Variants in PCDH15 observed in about 807,000 individuals in gnomAD.
The protein encoded by PCDH15 is protocadherin related 15.
A neutral mutation model predicts 178.5 loss-of-function variants in PCDH15; 129 were observed. The ratio of observed to expected loss-of-function variants is 0.72; its 90% CI spans 0.63 to 0.84. PCDH15 has a LOEUF of 0.84. Ranked by LOEUF, PCDH15 falls within the 40% of genes least tolerant of loss-of-function variation. The pLI is 0.00. For missense variants in PCDH15, 2,230 were observed against 2,099.9 expected, an observed-to-expected ratio of 1.06 and a Z score of -1.21; for synonymous variants, 800 against 732.0, an observed-to-expected ratio of 1.09 and a Z score of -1.50.
intron 21 of PCDH15, among the ~76,000 whole-genome samples, chr10:53,977,386 C>G (rs2090268183): frequency 6.6e-6 from 1 of 152,206 alleles, no homozygotes; most frequent in South Asian, 2.1e-4. Flanking sequence ...TGTTGGGCTG[C>G]ACTGAAAGCT....
intron 8 of PCDH15, among the ~76,000 whole-genome samples, chr10:54,251,437 A>G (rs2056463071): frequency 6.6e-6 from 1 of 152,154 alleles, no homozygotes; most frequent in South Asian, 2.1e-4. Flanking sequence ...ACACAAACTA[A>G]TTACATTTTT....
chr10:54,565,199 C>G (rs563913909), intron 2 of PCDH15, among the ~76,000 whole-genome samples: 46 of 152,282 alleles, frequency 3.0e-4, no homozygotes, highest in African/African-American at 1.1e-3. Flanking sequence ...TCAAACATTC[C>G]AACACCTTTC....
chr10:54,519,032 C>T (rs181923627), intron 3 of PCDH15, among the ~76,000 whole-genome samples: 4 of 152,294 alleles, frequency 2.6e-5, no homozygotes, highest in South Asian at 4.1e-4. Context: ...TAAAAACTCT[C>T]AATAAATTAG....
intron 2 of PCDH15, among the ~76,000 whole-genome samples, chr10:55,061,787 G>A (rs772674911): frequency 8.5e-5 from 13 of 152,140 alleles, no homozygotes; most frequent in Non-Finnish European, 1.9e-4. Flanking sequence ...TTGGGAGGCC[G>A]AGGAGTGGGG....
intron 1 of PCDH15, among the ~76,000 whole-genome samples, chr10:54,743,521 G>C (rs1945071225): frequency 6.6e-6 from 1 of 152,026 alleles, no homozygotes; most frequent in African/African-American, 2.4e-5. Context: ...TGGAGATCAT[G>C]AAGATGCAAA....
At chr10:54,718,990 C>G (rs12412571) in intron 1 of PCDH15, among the ~76,000 whole-genome samples, 18,209 of 151,836 alleles carry the variant, frequency 0.12, 1,244 homozygotes, top group East Asian at 0.25. Context: ...CCACTGCACC[C>G]GGTCCACACT....
intron 3 of PCDH15, among the ~76,000 whole-genome samples, chr10:54,874,331 C>T (rs1954098611): frequency 6.8e-6 from 1 of 146,798 alleles, no homozygotes; most frequent in Non-Finnish European, 1.5e-5. Context: ...CATAGTATTC[C>T]ATGGTGTATA....
intron 2 of PCDH15, among the ~76,000 whole-genome samples, chr10:54,618,112 T>C (rs7086877): frequency 0.034 from 5,166 of 152,194 alleles, 272 homozygotes; most frequent in African/African-American, 0.11. Context: ...TCTTCTGTCA[T>C]GTCAGTATAA....
chr10:55,201,871 T>A (rs1347643759), intron 1 of PCDH15, among the ~76,000 whole-genome samples: 1 of 152,116 alleles, frequency 6.6e-6, no homozygotes, highest in African/African-American at 2.4e-5. Flanking sequence ...TACAATGTGC[T>A]TTTTTAAAAT....
intron 2 of PCDH15, among the ~76,000 whole-genome samples, chr10:54,662,121 A>G (rs1291222600): frequency 1.3e-5 from 2 of 151,998 alleles, no homozygotes; most frequent in African/African-American, 4.8e-5. Flanking sequence ...CAGACAACCT[A>G]TAGTATGGGA....
chr10:54,235,853 T>A (rs2054576919), intron 9 of PCDH15, among the ~76,000 whole-genome samples: 1 of 152,194 alleles, frequency 6.6e-6, no homozygotes, highest in Non-Finnish European at 1.5e-5. Flanking sequence ...TTTCTGTTTA[T>A]GAAAGTTTTT....
At chr10:54,767,081 G>T (rs1230276097) in intron 1 of PCDH15, among the ~76,000 whole-genome samples, 1 of 152,052 alleles carries the variant, frequency 6.6e-6, no homozygotes, top group Non-Finnish European at 1.5e-5. Flanking sequence ...TACTTAAACA[G>T]AATACATGAC....
At chr10:53,920,352 A>T (rs1361975038) in intron 25 of PCDH15, among the ~76,000 whole-genome samples, 2 of 152,126 alleles carry the variant, frequency 1.3e-5, no homozygotes, top group Non-Finnish European at 2.9e-5. Flanking sequence ...ATCTTTTAAT[A>T]AAAATAGTGG....
At chr10:55,178,862 C>T (rs1839564297) in intron 1 of PCDH15, among the ~76,000 whole-genome samples, 2 of 152,124 alleles carry the variant, frequency 1.3e-5, no homozygotes, top group South Asian at 4.1e-4. Flanking sequence ...GGATTATCTA[C>T]TCCCCTAAAC....
chr10:55,054,470 T>C (rs1225310809), intron 2 of PCDH15, among the ~76,000 whole-genome samples: 1 of 152,228 alleles, frequency 6.6e-6, no homozygotes, highest in African/African-American at 2.4e-5. Context: ...CTATTGTGAA[T>C]AGTGCTGCAA....
At chr10:55,056,575 GT>G (rs1380995530) in intron 2 of PCDH15, among the ~76,000 whole-genome samples, 6 of 149,414 alleles carry the variant, frequency 4.0e-5, no homozygotes, top group African/African-American at 1.5e-4. Context: ...CTTCTTCATT[GT>G]TTTTAATCAC....
chr10:55,512,173 A>G (rs959606553), intron 2 of PCDH15, among the ~76,000 whole-genome samples: 2 of 152,108 alleles, frequency 1.3e-5, no homozygotes, highest in African/African-American at 4.8e-5. Flanking sequence ...GTTTATGAGA[A>G]TACTGACTCG....
At chr10:54,449,128 A>ATG in intron 3 of PCDH15, among the ~76,000 whole-genome samples, 1 of 151,796 alleles carries the variant, frequency 6.6e-6, no homozygotes, top group Non-Finnish European at 1.5e-5. Flanking sequence ...GCTGAGGGTA[A>ATG]GGGACTCACT....
chr10:54,695,721 C>T (rs560977750), intron 1 of PCDH15, among the ~76,000 whole-genome samples: 13 of 152,070 alleles, frequency 8.5e-5, no homozygotes, highest in South Asian at 6.3e-4. Flanking sequence ...TTCTGAAAAT[C>T]GGAGGGTTGT....
Sources: allele counts gnomAD v4.1 joint callset (sites outside exome capture counted in the v4.1 genomes callset), GRCh38; gene constraint gnomAD v4.1.1; transcripts MANE v1.5; gene names NCBI Gene and HGNC (gene_info 2026-07-23, HGNC 2026-07-21).